Variants in LMNTD1 observed in about 807,000 individuals in gnomAD.
LMNTD1 encodes lamin tail domain-containing protein 1.
LMNTD1 carries 35 observed loss-of-function variants against 50.9 expected under a neutral mutation model. The ratio of observed to expected loss-of-function variants is 0.69; its 90% CI spans 0.53 to 0.91. LMNTD1 has a LOEUF of 0.91. Ranked by LOEUF, LMNTD1 falls within the 40% of genes least tolerant of loss-of-function variation. The pLI is 0.00. For synonymous variants in LMNTD1, 153 were observed against 161.9 expected, an observed-to-expected ratio of 0.94 and a Z score of 0.42; for missense variants, 470 against 475.5, an observed-to-expected ratio of 0.99 and a Z score of 0.11.
In LMNTD1 at chr12:25,538,600, T is replaced by G. The variant is rs1227979529; in HGVS notation, c.491+7774A>C. 1.7e-3 allele frequency among the ~76,000 whole-genome samples: 238 copies of G among 141,970 alleles called. 1 individual carries two copies. Among genetic ancestry groups the G allele is most frequent in the African/African-American group, 5.9e-3 (229 of 38,522 alleles). The allele number at this position is 141,970 out of a possible 152,430, so 93.1% of individuals were successfully genotyped here. A position where few individuals can be genotyped will look rare whatever the true frequency, so the allele number is the denominator to read the frequency against. ...GCTAAACATGGAAAGGAACAACCGGTACCAGCCGCTGCAAAATCATGCCAA... is the reference window on the plus strand; with the variant it reads ...GCTAAACATGGAAAGGAACAACCGGGACCAGCCGCTGCAAAATCATGCCAA... On this transcript the variant is annotated intron_variant, in intron 4 of 9. Transcript: ENST00000458174.
intron 1 of LMNTD1, among the ~76,000 whole-genome samples, chr12:25,602,178 T>A (rs868710785): frequency 8.6e-5 from 13 of 151,914 alleles, no homozygotes; most frequent in Non-Finnish European, 1.6e-4. Flanking sequence ...AGCCTCTTCA[T>A]AAATCTCTCA....
At position 25,640,692 on chromosome 12, in the gene LMNTD1, G is replaced by A. The variant is rs759148489; in HGVS notation, c.58+7802C>T. Among the ~76,000 whole-genome samples, 5 of 150,844 alleles carry A rather than the reference G, an allele frequency of 3.3e-5. No individual in the cohort carries two copies. In the South Asian group the frequency reaches 6.3e-4, roughly 19 times the overall value. On this transcript the variant is annotated intron_variant, in intron 1 of 7. Coordinates refer to the LMNTD1 transcript ENST00000445693. ...TGTTTTTTTTTTGAGACGGAGTCTC[G>A]CTCTGTCGCCCAGGCCCTGGAGTAT...
chr12:25,625,389 G>A (rs1483557188), intron 1 of LMNTD1, among the ~76,000 whole-genome samples: 1 of 152,000 alleles, frequency 6.6e-6, no homozygotes. Flanking sequence ...AGAACAGAAC[G>A]AGCTCTGAAA....
intron 1 of LMNTD1, among the ~76,000 whole-genome samples, chr12:25,607,947 C>T (rs982241949): frequency 6.6e-6 from 1 of 152,124 alleles, no homozygotes; most frequent in African/African-American, 2.4e-5. Flanking sequence ...TAAAGTCTCC[C>T]ATTATTATTG....
At chr12:25,636,499 T>G (rs1946837650) in intron 1 of LMNTD1, among the ~76,000 whole-genome samples, 1 of 152,188 alleles carries the variant, frequency 6.6e-6, no homozygotes, top group Non-Finnish European at 1.5e-5. Context: ...ATGGCATGGA[T>G]GCAGTGATCA....
chr12:25,488,968 G>A (rs1000760503), intron 9 of LMNTD1, among the ~76,000 whole-genome samples: 2 of 152,228 alleles, frequency 1.3e-5, no homozygotes, highest in African/African-American at 4.8e-5. Flanking sequence ...ACCCACTTGA[G>A]GAGGCAGTGT....
At chr12:25,557,858 G>A (rs1181549120), upstream of LMNTD1, among the ~76,000 whole-genome samples, 1 of 152,082 alleles carries the variant, frequency 6.6e-6, no homozygotes, top group African/African-American at 2.4e-5. Flanking sequence ...TATCATATAT[G>A]GGCAATCTCT....
At chr12:25,586,203 T>G (rs574374500) in intron 1 of LMNTD1, 1 of 152,094 alleles carries the variant, frequency 6.6e-6, no homozygotes, top group South Asian at 2.1e-4. Context: ...TGTTTTTTTT[T>G]CCCCTTCCGT....
intron 3 of LMNTD1, chr12:25,547,227 T>C (rs975461375): frequency 1.7e-4 from 166 of 956,614 alleles, no homozygotes; most frequent in Non-Finnish European, 2.0e-4. Flanking sequence ...GGAGTTACAT[T>C]ACAAAGACGC....
intron 8 of LMNTD1, among the ~76,000 whole-genome samples, chr12:25,514,208 C>T (rs1940558651): frequency 1.3e-5 from 2 of 152,188 alleles, no homozygotes; most frequent in African/African-American, 2.4e-5. Context: ...GTCTAGGGAG[C>T]ACAGACCCAG....
At chr12:25,521,905 C>T (rs538873110) in intron 6 of LMNTD1, among the ~76,000 whole-genome samples, 18 of 152,300 alleles carry the variant, frequency 1.2e-4, no homozygotes, top group Admixed American at 8.5e-4. Flanking sequence ...ATGTGCACAA[C>T]ATACACGTGC....
chr12:25,606,980 T>A (rs1303253344), intron 1 of LMNTD1, among the ~76,000 whole-genome samples: 1 of 152,238 alleles, frequency 6.6e-6, no homozygotes, highest in Non-Finnish European at 1.5e-5. Flanking sequence ...TTTTGGTTGG[T>A]AGGCTATTAA....
At chr12:25,611,343 A>T (rs1946238722) in intron 1 of LMNTD1, among the ~76,000 whole-genome samples, 1 of 152,182 alleles carries the variant, frequency 6.6e-6, no homozygotes, top group East Asian at 1.9e-4. Flanking sequence ...GATTAACAGG[A>T]TCAAAGGAAG....
At chr12:25,553,753 A>G (rs77632557), upstream of LMNTD1, among the ~76,000 whole-genome samples, 2,382 of 152,332 alleles carry the variant, frequency 0.016, 62 homozygotes, top group African/African-American at 0.054. Flanking sequence ...TCCTCTGTGT[A>G]AAACACTCAC....
intron 2 of LMNTD1, among the ~76,000 whole-genome samples, chr12:25,550,114 G>A (rs1364077362): frequency 6.6e-6 from 1 of 152,148 alleles, no homozygotes; most frequent in East Asian, 1.9e-4. Flanking sequence ...TTGTGTGTGT[G>A]TATGTGTATT....
chr12:25,576,350 T>C (rs1391511114), intron 1 of LMNTD1, among the ~76,000 whole-genome samples: 3 of 152,108 alleles, frequency 2.0e-5, no homozygotes, highest in Non-Finnish European at 2.9e-5. Flanking sequence ...TCTCCAGCAC[T>C]TGTTGTTTCC....
At chr12:25,600,493 T>C (rs1673481503) in intron 1 of LMNTD1, among the ~76,000 whole-genome samples, 1 of 151,678 alleles carries the variant, frequency 6.6e-6, no homozygotes, top group Admixed American at 6.6e-5. Flanking sequence ...AAGGAAACAA[T>C]CAACAAAGTG....
upstream of LMNTD1, among the ~76,000 whole-genome samples, chr12:25,556,789 C>A (rs1294182772): frequency 6.6e-6 from 1 of 152,072 alleles, no homozygotes; most frequent in Non-Finnish European, 1.5e-5. Flanking sequence ...AAAAAACAGA[C>A]AAAATATTAC....
chr12:25,591,493 T>C (rs1945694152), intron 1 of LMNTD1, among the ~76,000 whole-genome samples: 1 of 152,058 alleles, frequency 6.6e-6, no homozygotes. Context: ...TGCAGAACAA[T>C]ATAACAAAAC....
Sources: gnomAD v4.1 joint callset for allele counts (sites outside exome capture counted in the v4.1 genomes callset) on GRCh38, gnomAD v4.1.1 for gene constraint, MANE v1.5 for transcripts, NCBI Gene and HGNC (gene_info 2026-07-23, HGNC 2026-07-21) for gene names.